DOCK7: variants seen among roughly 807,000 people sequenced by gnomAD.
The protein encoded by DOCK7 is dedicator of cytokinesis protein 7.
Under a neutral mutation model 271.0 loss-of-function variants are expected in DOCK7, and 138 were observed. The observed-to-expected ratio is 0.51, with a 90% CI of 0.44 to 0.59. The LOEUF is 0.59. Among genes scored for constraint, DOCK7 ranks in the 20% least tolerant of loss-of-function variants. DOCK7 has a pLI of 0.00. For synonymous variants in DOCK7, 823 were observed against 876.1 expected (o/e 0.94, Z 1.07); for missense variants, 2,066 against 2,592.4 (o/e 0.80, Z 4.41).
intron 14 of DOCK7, chr1:62,598,154 T>C (rs1649567048): frequency 3.4e-6 from 4 of 1,181,390 alleles, no homozygotes; most frequent in East Asian, 2.7e-5. Context: ...AAATACTTTG[T>C]TGCATTGTTG....
At chr1:62,593,487 T>A (rs1193743441) in intron 14 of DOCK7, among the ~76,000 whole-genome samples, 1 of 152,048 alleles carries the variant, frequency 6.6e-6, no homozygotes, top group Non-Finnish European at 1.5e-5. Flanking sequence ...GGAGAATCGC[T>A]TGAACCCAGG....
rs34750610 is a variant in DOCK7, at chr1:62,548,423, C to CTTT, written c.2767-3387_2767-3385dup. On this transcript the variant is annotated intron_variant, in intron 22 of 49. Transcript: ENST00000635253. ...CTTAATTTTTGTGTGTGTCTTAAGT[C>CTTT]TTTTTTTTTTTTTTTGAGACAGAGT... 2.2e-4 allele frequency among the ~76,000 whole-genome samples: 31 copies of CTTT among 139,088 alleles called. 1 individual carries two copies. The highest frequency in any genetic ancestry group is 4.3e-4 in the Admixed American group (6 of 13,864). The allele number at this position is 139,088 out of a possible 152,430, so 91.2% of individuals were successfully genotyped here.
At chr1:62,624,866 G>A (rs1571816000) in intron 12 of DOCK7, among the ~76,000 whole-genome samples, 1 of 152,032 alleles carries the variant, frequency 6.6e-6, no homozygotes, top group Non-Finnish European at 1.5e-5. Context: ...AGCTACTCAG[G>A]AGGCTGAGGC....
intron 21 of DOCK7, among the ~76,000 whole-genome samples, chr1:62,553,348 ATATATATTTTTTTTTTTTTT>A (rs1308881036): frequency 0.026 from 576 of 22,456 alleles, 1 homozygote; most frequent in Middle Eastern, 0.038. Flanking sequence ...ATATATATAT[ATATATATTTTTTTTTTTTTT>A]TTTTTTTTTT....
chr1:62,586,153 TCACAG>T (rs1308357629), intron 15 of DOCK7, among the ~76,000 whole-genome samples: 1 of 152,142 alleles, frequency 6.6e-6, no homozygotes, highest in Non-Finnish European at 1.5e-5. Flanking sequence ...AGAATAAGAA[TCACAG>T]ACGCCAAAAG....
At chr1:62,487,795 C>T (rs1300493737) in intron 42 of DOCK7, 1 of 180,120 alleles carries the variant, frequency 5.6e-6, no homozygotes, top group Admixed American at 5.7e-5. Flanking sequence ...AAAAGTTTCT[C>T]AGAAACGACT....
intron 7 of DOCK7, among the ~76,000 whole-genome samples, chr1:62,644,640 T>A (rs1026595520): frequency 2.0e-5 from 3 of 152,196 alleles, no homozygotes; most frequent in Non-Finnish European, 2.9e-5. Context: ...TGACAAATAG[T>A]CTTCTTAATA....
In DOCK7 at chr1:62,536,386, G is replaced by A. The variant is rs1000263331; in HGVS notation, c.3472-754C>T. 2.6e-5 allele frequency among the ~76,000 whole-genome samples: 4 copies of A among 152,182 alleles called. No individual in the cohort carries two copies. In the South Asian group the frequency reaches 8.3e-4, roughly 31 times the overall value. On this transcript the variant is annotated intron_variant, in intron 28 of 49. Coordinates refer to ENST00000635253, the MANE Select transcript of DOCK7 (RefSeq NM_001367561.1). The stretch of plus-strand genomic sequence containing the variant: ...TTCTATGAGCATTTCCTGGCTGAAA[G>A]AGATGTTCAGTAAGGAATTAGATAT...
At chr1:62,490,085 A>G (rs1314626142) in intron 41 of DOCK7, among the ~76,000 whole-genome samples, 2 of 146,514 alleles carry the variant, frequency 1.4e-5, no homozygotes, top group Non-Finnish European at 3.0e-5. Flanking sequence ...TTTTTAAATA[A>G]TAAGAGACAG....
intron 7 of DOCK7, among the ~76,000 whole-genome samples, chr1:62,646,847 A>G (rs1656732392): frequency 6.6e-6 from 1 of 152,240 alleles, no homozygotes; most frequent in Non-Finnish European, 1.5e-5. Flanking sequence ...CTGTGAATAC[A>G]TACCACTAAC....
At chr1:62,513,311 G>T in intron 33 of DOCK7, 133 bp downstream of exon 33, 1 of 519,192 alleles carries the variant, frequency 1.9e-6, no homozygotes, top group Non-Finnish European at 2.6e-6. Flanking sequence ...TTTTATTACT[G>T]CAGAGAAATG....
intron 14 of DOCK7, among the ~76,000 whole-genome samples, chr1:62,613,172 T>A (rs545417270): frequency 6.6e-6 from 1 of 152,214 alleles, no homozygotes; most frequent in Non-Finnish European, 1.5e-5. Context: ...TTTGGTTTAC[T>A]TAATGTTAAC....
chr1:62,459,870 C>T (rs1161970375), intron 48 of DOCK7, among the ~76,000 whole-genome samples: 5 of 151,864 alleles, frequency 3.3e-5, no homozygotes, highest in African/African-American at 9.7e-5. Flanking sequence ...GAGGCCAAGG[C>T]GGGCGGATCA....
chr1:62,662,635 C>T (rs973347359), intron 2 of DOCK7, among the ~76,000 whole-genome samples: 1 of 152,130 alleles, frequency 6.6e-6, no homozygotes, highest in South Asian at 2.1e-4. Flanking sequence ...GTGGCACATG[C>T]CTGTAGTCCC....
In DOCK7 at chr1:62,631,420, T is replaced by C. The variant is rs1654610804; in HGVS notation, c.1117-15A>G. ...TTTTCTTTATTCTGCAAAACAGAACTTTATACATTATATGATTATACTTGA... is the reference window on the plus strand; with the variant it reads ...TTTTCTTTATTCTGCAAAACAGAACCTTATACATTATATGATTATACTTGA... On this transcript the variant is annotated splice_polypyrimidine_tract_variant and intron_variant, in intron 10 of 49. Coordinates refer to ENST00000635253, the MANE Select transcript of DOCK7 (RefSeq NM_001367561.1). The C allele has an allele frequency of 6.3e-7, 1 of 1,578,500 alleles. No homozygotes were observed. The highest frequency in any genetic ancestry group is 8.6e-7 in the Non-Finnish European group (1 of 1,165,106).
At position 62,474,040 on chromosome 1, in the gene DOCK7, G is replaced by A. The variant is rs757734282; in HGVS notation, c.6154C>T (p.Pro2052Ser). ...QVFLSEIPSD[P>S]KLFRHHNKLR... ...TTATTATGATGTCTGAAGAGCTTTG[G>A]GTCACTAGGTATTTCAGACAGAAAA... is the stretch of plus-strand genomic sequence containing the variant. The change falls in exon 48 of 50, where the codon CCA (proline) becomes TCA (serine). Residue 2052 changes from proline (P) to serine (S), a missense_variant. Pro to Ser is a moderately conservative substitution (Grantham distance 74). This residue lies in a region of DOCK7 where 652 missense variants were observed against 922.1 expected (regional missense o/e 0.71). Coordinates refer to ENST00000635253, the MANE Select transcript of DOCK7 (RefSeq NM_001367561.1). 8 of 1,613,632 alleles carry A rather than the reference G, an allele frequency of 5.0e-6. No homozygotes were observed. The highest frequency in any genetic ancestry group is 5.9e-6 in the Non-Finnish European group (7 of 1,179,832).
chr1:62,546,102 A>G (rs1449463204), intron 22 of DOCK7, among the ~76,000 whole-genome samples: 1 of 152,196 alleles, frequency 6.6e-6, no homozygotes, highest in Non-Finnish European at 1.5e-5. Context: ...CAAAGGAAAG[A>G]CAGGTAAAAG....
intron 31 of DOCK7, among the ~76,000 whole-genome samples, chr1:62,515,169 T>C (rs983926949): frequency 6.7e-6 from 1 of 149,480 alleles, no homozygotes; most frequent in African/African-American, 2.5e-5. Flanking sequence ...CCACCAGAAG[T>C]ATTTTGTAAT....
At chr1:62,469,083 CAT>C (rs1645757467) in intron 48 of DOCK7, among the ~76,000 whole-genome samples, 1 of 152,090 alleles carries the variant, frequency 6.6e-6, no homozygotes, top group Non-Finnish European at 1.5e-5. Flanking sequence ...CTAAAATTCA[CAT>C]GGAACCAAAA....
Sources: gnomAD v4.1 joint callset for allele counts (sites outside exome capture counted in the v4.1 genomes callset) on GRCh38, gnomAD v4.1.1 for gene constraint, gnomAD v4.1.1 regional missense constraint, MANE v1.5 for transcripts, NCBI Gene and HGNC (gene_info 2026-07-23, HGNC 2026-07-21) for gene names.